Variants in INVS observed in about 807,000 individuals in gnomAD.
INVS encodes the protein inversion of embryo turning homolog.
INVS carries 86 observed loss-of-function variants against 108.8 expected under a neutral mutation model. The observed-to-expected ratio is 0.79, with a 90% CI of 0.66 to 0.95. INVS has a LOEUF of 0.95. Among genes scored for constraint, INVS ranks in the 40% least tolerant of loss-of-function variants. INVS has a pLI of 0.00. For missense variants in INVS, 1,169 were observed against 1,297.4 expected, an observed-to-expected ratio of 0.90 and a Z score of 1.52; for synonymous variants, 455 against 473.5, an observed-to-expected ratio of 0.96 and a Z score of 0.51.
intron 3 of INVS, among the ~76,000 whole-genome samples, chr9:100,220,974 C>CCA (rs67742894): frequency 8.5e-5 from 12 of 140,954 alleles, no homozygotes; most frequent in South Asian, 4.7e-4. Context: ...GACTCTGTCC[C>CCA]AAAAAAAAAA....
At chr9:100,263,380 G>A (rs1832689343) in intron 10 of INVS, among the ~76,000 whole-genome samples, 1 of 152,104 alleles carries the variant, frequency 6.6e-6, no homozygotes, top group African/African-American at 2.4e-5. Context: ...TTTTCTTTTG[G>A]TGGATCTAGG....
intron 3 of INVS, among the ~76,000 whole-genome samples, chr9:100,161,577 A>G (rs907109494): frequency 3.3e-5 from 5 of 152,064 alleles, no homozygotes; most frequent in Non-Finnish European, 5.9e-5. Flanking sequence ...TTGGAGCCCC[A>G]GTGACTAAGA....
At chr9:100,126,252 A>G in intron 2 of INVS, 131 bp from the exon 3 acceptor site, 1 of 750,956 alleles carries the variant, frequency 1.3e-6, no homozygotes, top group Non-Finnish European at 2.2e-6. Context: ...TCTACTTCTT[A>G]GGACAAGTAA....
At chr9:100,156,943 T>TATACAC (rs1554718181) in intron 3 of INVS, among the ~76,000 whole-genome samples, 10 of 149,518 alleles carry the variant, frequency 6.7e-5, no homozygotes, top group South Asian at 2.1e-4. Flanking sequence ...TATATATATA[T>TATACAC]ACACACACAC....
intron 3 of INVS, among the ~76,000 whole-genome samples, chr9:100,134,694 A>G (rs1041856113): frequency 6.6e-6 from 1 of 152,148 alleles, no homozygotes; most frequent in Non-Finnish European, 1.5e-5. Flanking sequence ...CCTGATCATT[A>G]GTGATGTTGA....
At chr9:100,166,463 C>A (rs555345205) in intron 3 of INVS, among the ~76,000 whole-genome samples, 1 of 152,254 alleles carries the variant, frequency 6.6e-6, no homozygotes, top group Admixed American at 6.5e-5. Context: ...GTCAGGGCTG[C>A]TGGGAGCCGT....
chr9:100,108,799 T>C (rs543437516), intron 2 of INVS, among the ~76,000 whole-genome samples: 5 of 152,214 alleles, frequency 3.3e-5, no homozygotes, highest in African/African-American at 9.6e-5. Flanking sequence ...ATCGAACACT[T>C]TCTGTGCTGC....
chr9:100,115,825 TG>T (rs1239708496), intron 2 of INVS, among the ~76,000 whole-genome samples: 1 of 152,188 alleles, frequency 6.6e-6, no homozygotes, highest in Non-Finnish European at 1.5e-5. Context: ...ATGGGATGGC[TG>T]GGTCAAATGG....
chr9:100,243,575 A>G (rs1208347662), intron 7 of INVS, among the ~76,000 whole-genome samples: 1 of 152,178 alleles, frequency 6.6e-6, no homozygotes, highest in Non-Finnish European at 1.5e-5. Flanking sequence ...CTGCAACATG[A>G]TAGTGTCTAG....
intron 2 of INVS, among the ~76,000 whole-genome samples, chr9:100,109,061 A>T (rs2118835648): frequency 6.6e-6 from 1 of 152,370 alleles, no homozygotes; most frequent in Non-Finnish European, 1.5e-5. Flanking sequence ...AATTTGAATG[A>T]ATACTAGAAA....
At chr9:100,124,293 G>A (rs1293395478) in intron 2 of INVS, among the ~76,000 whole-genome samples, 1 of 151,354 alleles carries the variant, frequency 6.6e-6, no homozygotes, top group Non-Finnish European at 1.5e-5. Flanking sequence ...CAACATAGAA[G>A]CCTTATCACT....
At chr9:100,229,941 A>G in intron 5 of INVS, 114 bp downstream of exon 5, 1 of 993,346 alleles carries the variant, frequency 1.0e-6, no homozygotes, top group Non-Finnish European at 1.5e-6. Flanking sequence ...AAGCAAAAGA[A>G]TACAACAGAC....
intron 4 of INVS, among the ~76,000 whole-genome samples, chr9:100,227,550 C>T (rs1831370171): frequency 6.6e-6 from 1 of 152,098 alleles, no homozygotes; most frequent in Non-Finnish European, 1.5e-5. Flanking sequence ...TCAACAAGTT[C>T]AAGATGATCA....
At chr9:100,254,657 T>C (rs10989033) in intron 10 of INVS, among the ~76,000 whole-genome samples, 26,915 of 151,868 alleles carry the variant, frequency 0.18, 2,767 homozygotes, top group African/African-American at 0.29. Flanking sequence ...TTCCCAGCAC[T>C]GTTTATTAAA....
At chr9:100,126,130 A>G (rs140992129) in intron 2 of INVS, among the ~76,000 whole-genome samples, 146 of 152,360 alleles carry the variant, frequency 9.6e-4, no homozygotes, top group African/African-American at 3.4e-3. Context: ...GTTCAGCATA[A>G]TATGATTGAG....
At chr9:100,292,237 G>A in intron 13 of INVS, 89 bp from the exon 14 acceptor site, 1 of 1,183,404 alleles carries the variant, frequency 8.5e-7, no homozygotes, top group Non-Finnish European at 1.3e-6. Context: ...TGATGATATA[G>A]GCTAAGTCTG....
At chr9:100,269,964 T>C (rs893867961) in intron 11 of INVS, among the ~76,000 whole-genome samples, 3 of 152,342 alleles carry the variant, frequency 2.0e-5, no homozygotes, top group Non-Finnish European at 2.9e-5. Context: ...TTTACACTTA[T>C]TTTTCCATTT....
At chr9:100,270,882 C>T (rs1284248826) in intron 11 of INVS, among the ~76,000 whole-genome samples, 1 of 150,104 alleles carries the variant, frequency 6.7e-6, no homozygotes, top group African/African-American at 2.5e-5. Flanking sequence ...TGTGTTTGCA[C>T]CACTACACTC....
chr9:100,122,707 C>G (rs1323914645), intron 2 of INVS, among the ~76,000 whole-genome samples: 1 of 151,040 alleles, frequency 6.6e-6, no homozygotes, highest in Non-Finnish European at 1.5e-5. Context: ...CCTCAGCCTC[C>G]AAGGTGGCTG....
Sources: gnomAD v4.1 joint callset for allele counts (sites outside exome capture counted in the v4.1 genomes callset) on GRCh38, gnomAD v4.1.1 for gene constraint, MANE v1.5 for transcripts, NCBI Gene and HGNC (gene_info 2026-07-23, HGNC 2026-07-21) for gene names.